The following SLC24A2 variants were observed in gnomAD, a reference collection of about 807,000 sequenced individuals.
The protein encoded by SLC24A2 is sodium/potassium/calcium exchanger 2.
In SLC24A2, 36 loss-of-function variants were observed where a neutral mutation model predicts 62.0. The ratio of observed to expected loss-of-function variants is 0.58; its 90% CI spans 0.44 to 0.77. SLC24A2 has a LOEUF of 0.77. Ranked by LOEUF, SLC24A2 falls within the 30% of genes least tolerant of loss-of-function variation. The pLI is 0.00. For synonymous variants in SLC24A2, 358 were observed against 294.0 expected (o/e 1.22, Z -2.23); for missense variants, 846 against 817.9 (o/e 1.03, Z -0.42).
the SLC24A2 span, among the ~76,000 whole-genome samples, chr9:19,877,047 A>T: frequency 2.0e-5 from 3 of 152,016 alleles, no homozygotes; most frequent in South Asian, 2.1e-4. Flanking sequence ...CTCTATATTA[A>T]TATGAACCTT....
In SLC24A2 at chr9:19,515,140, C is replaced by G. The variant is rs539201597; in HGVS notation, c.*1013G>C. ...CTTCTTTTGATGATAATGGGACATG[C>G]GCTGGAAAAATACAGGTTCAGTTTA... On this transcript the variant is annotated 3_prime_UTR_variant, in exon 11 of 11. Coordinates refer to ENST00000341998, the MANE Select transcript of SLC24A2 (RefSeq NM_020344.4). The G allele has an allele frequency of 6.6e-6, 1 of 151,950 alleles. No homozygotes were observed. Among genetic ancestry groups the G allele is most frequent in the South Asian group, 2.1e-4 (1 of 4,806 alleles). 9.4% of individuals were successfully genotyped at this position (151,950 alleles called of 1,614,324 possible). A position where few individuals can be genotyped will look rare whatever the true frequency, so the allele number is the denominator to read the frequency against.
intron 2 of SLC24A2, among the ~76,000 whole-genome samples, chr9:19,708,103 T>C (rs201935071): frequency 5.9e-5 from 9 of 151,974 alleles, no homozygotes; most frequent in Non-Finnish European, 1.0e-4. Context: ...CATTCTTATA[T>C]ACCAATAACA....
chr9:19,756,062 T>C (rs1003186004), intron 2 of SLC24A2, among the ~76,000 whole-genome samples: 27 of 152,182 alleles, frequency 1.8e-4, no homozygotes, highest in African/African-American at 5.5e-4. Flanking sequence ...TTCCTGACCA[T>C]GGCAAATTCA....
At chr9:20,293,126 T>A in the SLC24A2 span, among the ~76,000 whole-genome samples, 1 of 152,240 alleles carries the variant, frequency 6.6e-6, no homozygotes, top group South Asian at 2.1e-4. Context: ...ATTAGTCATA[T>A]TGGATTAGGG....
chr9:19,700,385 T>TGCTCTG (rs1820321261), intron 2 of SLC24A2, among the ~76,000 whole-genome samples: 1 of 152,170 alleles, frequency 6.6e-6, no homozygotes, highest in African/African-American at 2.4e-5. Context: ...TTTAAAAAAA[T>TGCTCTG]GCTCTGGCAT....
chr9:20,072,432 T>C, the SLC24A2 span, among the ~76,000 whole-genome samples: 1 of 152,138 alleles, frequency 6.6e-6, no homozygotes, highest in Non-Finnish European at 1.5e-5. Flanking sequence ...CCGAGGATTA[T>C]AATAAAAGAC....
chr9:19,614,963 C>G (rs1817727815), intron 4 of SLC24A2, among the ~76,000 whole-genome samples: 1 of 152,086 alleles, frequency 6.6e-6, no homozygotes, highest in Admixed American at 6.6e-5. Context: ...TTCGAATCCA[C>G]AAAATTATGA....
At chr9:19,779,832 G>A (rs938313801) in intron 2 of SLC24A2, among the ~76,000 whole-genome samples, 1 of 152,176 alleles carries the variant, frequency 6.6e-6, no homozygotes, top group Non-Finnish European at 1.5e-5. Context: ...GGCCGAGGTG[G>A]GAGGATCATG....
chr9:20,038,918 G>A, the SLC24A2 span, among the ~76,000 whole-genome samples: 22 of 152,108 alleles, frequency 1.4e-4, no homozygotes, highest in African/African-American at 3.4e-4. Context: ...TTTAAGTTTC[G>A]TAAAATTTTT....
chr9:19,899,891 C>A, the SLC24A2 span, among the ~76,000 whole-genome samples: 1 of 152,150 alleles, frequency 6.6e-6, no homozygotes, highest in African/African-American at 2.4e-5. Context: ...TCGATTACCT[C>A]CCACCAGGTC....
At chr9:19,738,280 T>C (rs1001360306) in intron 2 of SLC24A2, among the ~76,000 whole-genome samples, 1 of 152,202 alleles carries the variant, frequency 6.6e-6, no homozygotes, top group Non-Finnish European at 1.5e-5. Flanking sequence ...TTTCATGGCA[T>C]CTGGATGTTG....
At chr9:19,869,647 T>C in the SLC24A2 span, among the ~76,000 whole-genome samples, 6 of 152,348 alleles carry the variant, frequency 3.9e-5, no homozygotes, top group Non-Finnish European at 8.8e-5. Flanking sequence ...AGAATGATAC[T>C]GAGTCCTGAT....
At chr9:19,709,625 C>A (rs201492407) in intron 2 of SLC24A2, among the ~76,000 whole-genome samples, 1 of 151,412 alleles carries the variant, frequency 6.6e-6, no homozygotes, top group Non-Finnish European at 1.5e-5. Context: ...TGAAACTGGA[C>A]ACCATCATTC....
chr9:20,051,655 C>CTCTTTTTTTTTTT, the SLC24A2 span, among the ~76,000 whole-genome samples: 1 of 46,080 alleles, frequency 2.2e-5, no homozygotes, highest in Non-Finnish European at 3.8e-5. Flanking sequence ...TTTTTTCTTT[C>CTCTTTTTTTTTTT]TCTTTTTTTT....
intron 4 of SLC24A2, among the ~76,000 whole-genome samples, chr9:19,598,259 CAA>C (rs751260006): frequency 4.6e-5 from 7 of 152,182 alleles, no homozygotes; most frequent in Non-Finnish European, 1.0e-4. Flanking sequence ...TAATTAGACT[CAA>C]GAGATAGTTC....
At chr9:19,961,023 G>GGTGTGT in the SLC24A2 span, among the ~76,000 whole-genome samples, 2,115 of 141,692 alleles carry the variant, frequency 0.015, 29 homozygotes, top group South Asian at 0.033. Flanking sequence ...TAGAGGGGTG[G>GGTGTGT]GTGTGTGTGT....
the SLC24A2 span, among the ~76,000 whole-genome samples, chr9:19,815,361 T>G: frequency 6.6e-6 from 1 of 152,148 alleles, no homozygotes; most frequent in Non-Finnish European, 1.5e-5. Context: ...ATACATTGCT[T>G]GTACTAATGA....
At position 19,710,483 on chromosome 9, in the gene SLC24A2, C is replaced by T. The variant is rs550628012; in HGVS notation, c.930+75454G>A. On this transcript the variant is annotated intron_variant, in intron 2 of 10. Coordinates refer to ENST00000341998, the MANE Select transcript of SLC24A2 (RefSeq NM_020344.4). Reference sequence around the variant, plus strand: ...TGAGATATAATGGACCAGTAGGTCTCGGCCAGGAATAGCTGAGAAGTTCCA... The same window carrying T: ...TGAGATATAATGGACCAGTAGGTCTTGGCCAGGAATAGCTGAGAAGTTCCA... Among the ~76,000 whole-genome samples the T allele has an allele frequency of 7.9e-5, 12 of 152,206 alleles. No individual in the cohort carries two copies. In the South Asian group the frequency reaches 1.5e-3, roughly 18 times the overall value.
chr9:20,010,716 C>T, the SLC24A2 span, among the ~76,000 whole-genome samples: 1,720 of 151,550 alleles, frequency 0.011, 47 homozygotes, highest in African/African-American at 0.04. Context: ...CGCGTTAACT[C>T]GTCATTTACA....
Sources: gnomAD v4.1 joint callset for allele counts (sites outside exome capture counted in the v4.1 genomes callset) on GRCh38, gnomAD v4.1.1 for gene constraint, MANE v1.5 for transcripts, NCBI Gene and HGNC (gene_info 2026-07-23, HGNC 2026-07-21) for gene names.